Variants in BTRC observed in about 807,000 individuals in gnomAD.
The protein encoded by BTRC is beta-transducin repeat containing E3 ubiquitin protein ligase, also known as F-box/WD repeat-containing protein 1A.
BTRC carries 42 observed loss-of-function variants against 85.5 expected under a neutral mutation model. The ratio of observed to expected loss-of-function variants is 0.49; its 90% confidence interval spans 0.38 to 0.64. BTRC has a LOEUF of 0.64. BTRC is among the 30% of genes least tolerant of loss of function. The pLI, the probability that BTRC is intolerant of heterozygous loss-of-function variation, is 0.00. For synonymous variants in BTRC, 255 were observed against 263.3 expected (o/e 0.97, Z 0.30); for missense variants, 594 against 743.5 (o/e 0.80, Z 2.34).
chr10:101,392,620 C>A (rs921336943), intron 1 of BTRC, among the ~76,000 whole-genome samples: 2 of 152,082 alleles, frequency 1.3e-5, no homozygotes, highest in Admixed American at 6.6e-5. Flanking sequence ...TTACCTCAGC[C>A]TCCCAAATAG....
At chr10:101,437,899 A>T (rs982141738) in intron 2 of BTRC, among the ~76,000 whole-genome samples, 4 of 152,106 alleles carry the variant, frequency 2.6e-5, no homozygotes, top group Non-Finnish European at 5.9e-5. Context: ...GCCTTTGTCT[A>T]CCTAATCTTC....
intron 2 of BTRC, among the ~76,000 whole-genome samples, chr10:101,434,073 A>G (rs560086405): frequency 6.6e-6 from 1 of 152,308 alleles, no homozygotes; most frequent in East Asian, 1.9e-4. Context: ...AGACTAGTGT[A>G]TTACATTTTT....
chr10:101,419,527 A>C lies in BTRC; in HGVS notation c.49-10818A>C, dbSNP rs1589444299. ...GCTGTTGGACTGAGCCTCAATTCTT[A>C]GTTGTTTGTTGACTGGGTCACCGCC... On this transcript the variant is annotated intron_variant, in intron 1 of 14. Coordinates refer to ENST00000370187, the MANE Select transcript of BTRC (RefSeq NM_033637.4). Among the ~76,000 whole-genome samples, 2 of 152,148 alleles carry C rather than the reference A, an allele frequency of 1.3e-5. 1 individual carries two copies. Among genetic ancestry groups the C allele is most frequent in the African/African-American group, 4.8e-5 (2 of 41,440 alleles).
intron 2 of BTRC, among the ~76,000 whole-genome samples, chr10:101,441,815 A>C (rs1564774862): frequency 6.8e-6 from 1 of 146,664 alleles, no homozygotes; most frequent in Non-Finnish European, 1.5e-5. Context: ...TGGGAGGCGG[A>C]GATAGCAGTC....
chr10:101,508,998 A>G (rs1437584367), intron 4 of BTRC, among the ~76,000 whole-genome samples: 2 of 150,044 alleles, frequency 1.3e-5, no homozygotes, highest in Non-Finnish European at 3.0e-5. Flanking sequence ...TTTTTTCTGC[A>G]TGTTCAATTT....
At chr10:101,489,646 A>G (rs1414807436) in intron 4 of BTRC, among the ~76,000 whole-genome samples, 2 of 152,210 alleles carry the variant, frequency 1.3e-5, no homozygotes, top group Non-Finnish European at 2.9e-5. Flanking sequence ...ACTTCAGCTT[A>G]TGAGGGAAAT....
At chr10:101,390,953 C>T (rs1943223196) in intron 1 of BTRC, among the ~76,000 whole-genome samples, 2 of 151,974 alleles carry the variant, frequency 1.3e-5, no homozygotes, top group South Asian at 2.1e-4. Flanking sequence ...TTGAAACTTG[C>T]GTGGAAAGAA....
chr10:101,416,528 G>C (rs569788221), intron 1 of BTRC, among the ~76,000 whole-genome samples: 1 of 152,074 alleles, frequency 6.6e-6, no homozygotes, highest in African/African-American at 2.4e-5. Context: ...CTCTTCCATG[G>C]TGTCAATTGA....
chr10:101,526,644 G>A (rs911861361), intron 6 of BTRC, among the ~76,000 whole-genome samples: 1 of 152,198 alleles, frequency 6.6e-6, no homozygotes, highest in African/African-American at 2.4e-5. Flanking sequence ...GCCGAGTATG[G>A]TGGCGTGCAC....
intron 1 of BTRC, among the ~76,000 whole-genome samples, chr10:101,420,699 C>T (rs898637578): frequency 2.6e-5 from 4 of 151,960 alleles, no homozygotes; most frequent in African/African-American, 7.3e-5. Context: ...TTTTCCCTCT[C>T]GGGAATACCC....
At chr10:101,362,201 C>T (rs1942228900) in intron 1 of BTRC, among the ~76,000 whole-genome samples, 1 of 152,016 alleles carries the variant, frequency 6.6e-6, no homozygotes. Flanking sequence ...TTGTGATTCG[C>T]CCGCCTTGGC....
chr10:101,507,633 T>C (rs1201160708), intron 4 of BTRC, among the ~76,000 whole-genome samples: 1 of 152,220 alleles, frequency 6.6e-6, no homozygotes, highest in African/African-American at 2.4e-5. Context: ...TGTCTTGTAA[T>C]TAGTGCTGTC....
At chr10:101,499,003 AC>A (rs1946335734) in intron 4 of BTRC, among the ~76,000 whole-genome samples, 1 of 152,088 alleles carries the variant, frequency 6.6e-6, no homozygotes, top group Non-Finnish European at 1.5e-5. Flanking sequence ...CAAAAAAAAA[AC>A]AGAAAAAAAT....
Position 101,555,035 on chromosome 10 carries a change from A to C in BTRC, c.*1912A>C, listed in dbSNP as rs976256975. On this transcript the variant is annotated 3_prime_UTR_variant, in exon 15 of 15. Transcript: ENST00000370187. ...ATCGTAGCCTAAGAAATATTTTCTC[A>C]ATGTAATTCCCTTCCCAGCTACCCA... 1 of 152,236 alleles carries C rather than the reference A, an allele frequency of 6.6e-6. No individual in the cohort carries two copies. The highest frequency in any genetic ancestry group is 2.4e-5 in the African/African-American group (1 of 41,468). 9.4% of individuals were successfully genotyped at this position (152,236 alleles called of 1,614,324 possible). A position where few individuals can be genotyped will look rare whatever the true frequency, so the allele number is the denominator to read the frequency against.
intron 6 of BTRC, among the ~76,000 whole-genome samples, chr10:101,528,497 C>T (rs1027600461): frequency 6.6e-6 from 1 of 152,194 alleles, no homozygotes; most frequent in South Asian, 2.1e-4. Flanking sequence ...AAACCCATTC[C>T]CGCTCTTTTG....
At chr10:101,385,366 C>CAA (rs10718968) in intron 1 of BTRC, among the ~76,000 whole-genome samples, 69 of 82,792 alleles carry the variant, frequency 8.3e-4, no homozygotes, top group Non-Finnish European at 1.4e-3. Flanking sequence ...GACTCTGTCT[C>CAA]AAAAAAAAAA....
intron 1 of BTRC, among the ~76,000 whole-genome samples, chr10:101,359,513 C>T (rs1033033645): frequency 2.0e-5 from 3 of 151,860 alleles, no homozygotes; most frequent in South Asian, 2.1e-4. Flanking sequence ...CTGCAACCTC[C>T]GCCTCCTGGG....
In BTRC at chr10:101,554,404, C is replaced by CT. The variant is rs2062699583; in HGVS notation, c.*1282dup. On this transcript the variant is annotated 3_prime_UTR_variant, in exon 15 of 15. Coordinates refer to ENST00000370187, the MANE Select transcript of BTRC (RefSeq NM_033637.4). ...TAAGAGAGATGGTCAGGAGAAAACA[C>CT]TGTTTTTGTTTTTTTTGTTGTTTTG... 6.6e-6 allele frequency: 1 copy of CT among 152,406 alleles called. No homozygotes were observed. The highest frequency in any genetic ancestry group is 1.5e-5 in the Non-Finnish European group (1 of 68,020). 9.4% of individuals were successfully genotyped at this position (152,406 alleles called of 1,614,324 possible).
intron 2 of BTRC, among the ~76,000 whole-genome samples, chr10:101,434,248 AG>A (rs1944470606): frequency 6.6e-6 from 1 of 152,200 alleles, no homozygotes; most frequent in Non-Finnish European, 1.5e-5. Flanking sequence ...TACCATTTTC[AG>A]GTAGTTGCAG....
Sources: gnomAD v4.1 joint callset for allele counts (sites outside exome capture counted in the v4.1 genomes callset) on GRCh38, gnomAD v4.1.1 for gene constraint, MANE v1.5 for transcripts, NCBI Gene and HGNC (gene_info 2026-07-23, HGNC 2026-07-21) for gene names.